The following KCNH5 variants were observed in gnomAD, a reference collection of about 807,000 sequenced individuals.
KCNH5 encodes potassium voltage-gated channel subfamily H member 5, also known as voltage-gated delayed rectifier potassium channel KCNH5.
In KCNH5, 46 loss-of-function variants were observed where a neutral mutation model predicts 96.1. The observed-to-expected ratio is 0.48, with a 90% CI of 0.38 to 0.61. KCNH5 has a LOEUF of 0.61. KCNH5 is among the 20% of genes least tolerant of loss of function. The pLI, the probability that KCNH5 is intolerant of heterozygous loss-of-function variation, is 0.00. For missense variants in KCNH5, 907 were observed against 1,225.8 expected, an observed-to-expected ratio of 0.74 and a Z score of 3.88; for synonymous variants, 439 against 449.8, an observed-to-expected ratio of 0.98 and a Z score of 0.30.
chr14:62,733,302 C>T (rs1885089939), intron 10 of KCNH5, among the ~76,000 whole-genome samples: 1 of 152,048 alleles, frequency 6.6e-6, no homozygotes, highest in African/African-American at 2.4e-5. Context: ...AGGGTAGAAC[C>T]CTTATGATGG....
At chr14:62,733,187 T>C (rs1395718620) in intron 10 of KCNH5, among the ~76,000 whole-genome samples, 4 of 152,144 alleles carry the variant, frequency 2.6e-5, no homozygotes, top group Non-Finnish European at 5.9e-5. Flanking sequence ...AATAATAGTT[T>C]ATATAATATA....
Position 62,707,522 on chromosome 14 carries a change from C to A in KCNH5, c.2953G>T (p.Glu985Ter), listed in dbSNP as rs368953680. 6.7e-5 allele frequency: 97 copies of A among 1,442,032 alleles called. No homozygotes were observed. In the Admixed American group the frequency reaches 8.1e-4, roughly 12 times the overall value. The allele number at this position is 1,442,032 out of a possible 1,614,324, so 89.3% of individuals were successfully genotyped here. ...ATGTATATATATTAAAAGTGGATTT[C>A]ATCTTTGTCAGATTCAGGTGATTCA... ...RPESPESDKDEIHF is the reference protein window; with the variant it reads ...RPESPESDKD Residue 985 changes from glutamate (E) to a stop codon, truncating the protein, a stop_gained, in exon 11 of 11, where the codon GAA becomes TAA. Coordinates refer to ENST00000322893, the MANE Select transcript of KCNH5 (RefSeq NM_139318.5). LOFTEE classifies it high-confidence loss of function.
chr14:62,882,833 C>T (rs1310896974), intron 7 of KCNH5, among the ~76,000 whole-genome samples: 1 of 152,128 alleles, frequency 6.6e-6, no homozygotes. Flanking sequence ...GGATTTTAAG[C>T]TCATATTGGT....
chr14:63,006,614 G>C, intron 2 of KCNH5, 142 bp from the exon 3 acceptor site: 1 of 585,706 alleles, frequency 1.7e-6, no homozygotes, highest in Non-Finnish European at 3.1e-6. Context: ...CAAATCATGA[G>C]AGGCAGTTCT....
intron 8 of KCNH5, among the ~76,000 whole-genome samples, chr14:62,815,011 A>G (rs747919713): frequency 6.6e-6 from 1 of 152,090 alleles, no homozygotes; most frequent in Non-Finnish European, 1.5e-5. Context: ...ATAGCTCCAA[A>G]CTGAAAATTA....
At chr14:62,924,189 C>A (rs1175973825) in intron 7 of KCNH5, among the ~76,000 whole-genome samples, 1 of 151,900 alleles carries the variant, frequency 6.6e-6, no homozygotes, top group Non-Finnish European at 1.5e-5. Flanking sequence ...AAAAAGAAGA[C>A]ATACGAATGG....
chr14:62,956,335 G>A (rs1171042431), intron 6 of KCNH5, among the ~76,000 whole-genome samples: 1 of 152,120 alleles, frequency 6.6e-6, no homozygotes, highest in African/African-American at 2.4e-5. Context: ...TGAGCATAGT[G>A]TCTCCCTTTG....
chr14:62,755,657 G>A (rs1048397751), intron 10 of KCNH5, among the ~76,000 whole-genome samples: 4 of 151,960 alleles, frequency 2.6e-5, no homozygotes, highest in African/African-American at 7.2e-5. Flanking sequence ...GGAAGCAAGC[G>A]AGCAAACTAC....
intron 7 of KCNH5, among the ~76,000 whole-genome samples, chr14:62,909,348 G>A (rs1442703879): frequency 6.6e-6 from 1 of 152,118 alleles, no homozygotes; most frequent in East Asian, 1.9e-4. Context: ...CCCGGCCTAT[G>A]CTACGTATTT....
chr14:62,840,574 T>TC (rs1439108397), intron 8 of KCNH5, among the ~76,000 whole-genome samples: 1 of 134,310 alleles, frequency 7.4e-6, no homozygotes, highest in Non-Finnish European at 1.6e-5. Context: ...TTCTTTTTTT[T>TC]TTTTTTTTTT....
At chr14:62,965,073 A>G (rs1566724361) in intron 6 of KCNH5, among the ~76,000 whole-genome samples, 2 of 152,090 alleles carry the variant, frequency 1.3e-5, no homozygotes, top group Admixed American at 1.3e-4. Context: ...GTACCTCAAT[A>G]TATATATAGA....
intron 6 of KCNH5, among the ~76,000 whole-genome samples, chr14:62,977,363 A>T (rs1440131816): frequency 6.6e-6 from 1 of 152,026 alleles, no homozygotes; most frequent in Admixed American, 6.5e-5. Flanking sequence ...CTGTCACCAA[A>T]AATAATAATA....
chr14:62,848,350 A>G (rs1429760030), intron 8 of KCNH5, among the ~76,000 whole-genome samples: 2 of 152,192 alleles, frequency 1.3e-5, no homozygotes, highest in African/African-American at 4.8e-5. Context: ...TCAGATATAC[A>G]TTAATGAAAT....
chr14:62,972,466 A>G (rs779648722), intron 6 of KCNH5, among the ~76,000 whole-genome samples: 3 of 152,260 alleles, frequency 2.0e-5, no homozygotes, highest in Non-Finnish European at 4.4e-5. Flanking sequence ...AAAAGTAAAC[A>G]TAGTCTTACC....
At chr14:62,961,990 G>A (rs1566723287) in intron 6 of KCNH5, among the ~76,000 whole-genome samples, 2 of 151,256 alleles carry the variant, frequency 1.3e-5, no homozygotes, top group African/African-American at 4.9e-5. Context: ...TAGAGATGCA[G>A]ATGCAGATGG....
chr14:62,789,322 T>C (rs973696581), intron 9 of KCNH5, among the ~76,000 whole-genome samples: 7 of 152,024 alleles, frequency 4.6e-5, no homozygotes, highest in Non-Finnish European at 8.8e-5. Flanking sequence ...TCTTTATCAA[T>C]TCATCCATCA....
intron 8 of KCNH5, among the ~76,000 whole-genome samples, chr14:62,844,499 C>T (rs1887651574): frequency 6.6e-6 from 1 of 152,092 alleles, no homozygotes; most frequent in Admixed American, 6.5e-5. Context: ...TATTTTTTCC[C>T]ATAATCTCCT....
intron 7 of KCNH5, among the ~76,000 whole-genome samples, chr14:62,883,933 C>G (rs769010032): frequency 1.1e-4 from 16 of 152,080 alleles, no homozygotes; most frequent in Non-Finnish European, 1.8e-4. Context: ...CAGTCTATAT[C>G]CCAACATCTA....
At chr14:62,808,736 AATT>A (rs1156451868) in intron 8 of KCNH5, among the ~76,000 whole-genome samples, 1 of 152,124 alleles carries the variant, frequency 6.6e-6, no homozygotes, top group African/African-American at 2.4e-5. Flanking sequence ...TGTTATTAAT[AATT>A]ATAATTGTTA....
Sources: allele counts gnomAD v4.1 joint callset (sites outside exome capture counted in the v4.1 genomes callset), GRCh38; gene constraint gnomAD v4.1.1; transcripts MANE v1.5; gene names NCBI Gene and HGNC (gene_info 2026-07-23, HGNC 2026-07-21).